Variants in PTPN5 observed in about 807,000 individuals in gnomAD.
The protein encoded by PTPN5 is tyrosine-protein phosphatase non-receptor type 5.
PTPN5 carries 29 observed loss-of-function variants against 73.9 expected under a neutral mutation model. The observed-to-expected ratio is 0.39, with a 90% CI of 0.29 to 0.54. The LOEUF is 0.54. PTPN5 is among the 20% of genes least tolerant of loss of function. PTPN5 has a pLI of 0.65. For synonymous variants in PTPN5, 267 were observed against 304.7 expected, an observed-to-expected ratio of 0.88 and a Z score of 1.29; for missense variants, 652 against 751.4, an observed-to-expected ratio of 0.87 and a Z score of 1.55.
intron 3 of PTPN5, among the ~76,000 whole-genome samples, chr11:18,755,871 G>T (rs1850108279): frequency 6.6e-6 from 1 of 151,980 alleles, no homozygotes; most frequent in African/African-American, 2.4e-5. Flanking sequence ...AGGCATGGTA[G>T]CATGTGCCTG....
intron 9 of PTPN5, among the ~76,000 whole-genome samples, chr11:18,736,765 C>A (rs963243188): frequency 6.6e-6 from 1 of 152,182 alleles, no homozygotes; most frequent in African/African-American, 2.4e-5. Context: ...TGCATCTGCA[C>A]GGAATCCTAG....
intron 1 of PTPN5, among the ~76,000 whole-genome samples, chr11:18,790,979 G>A (rs1851892419): frequency 6.6e-6 from 1 of 152,174 alleles, no homozygotes; most frequent in Non-Finnish European, 1.5e-5. Flanking sequence ...GGTTTTGCAG[G>A]AGCCTGGGCC....
At position 18,733,780 on chromosome 11, in the gene PTPN5, A is replaced by G. The variant is rs1848998020; in HGVS notation, c.1001-145T>C. On this transcript the variant is annotated intron_variant, in intron 9 of 14. Coordinates refer to ENST00000358540, the MANE Select transcript of PTPN5 (RefSeq NM_006906.2). The surrounding 1 kb of genome is among the most constrained non-coding windows in gnomAD (Gnocchi z 4.3). ...TTGCCCAGCAGCAAAACATTGACCC[A>G]TTCATGGTTCATTTTGTAGGTGAGG... 2 of 745,258 alleles carry G rather than the reference A, an allele frequency of 2.7e-6. No individual in the cohort carries two copies. Among genetic ancestry groups the G allele is most frequent in the East Asian group, 2.6e-5 (1 of 37,758 alleles). 46.2% of individuals were successfully genotyped at this position (745,258 alleles called of 1,614,324 possible). A position where few individuals can be genotyped will look rare whatever the true frequency, so the allele number is the denominator to read the frequency against.
chr11:18,762,109 G>A (rs546206821), intron 3 of PTPN5, among the ~76,000 whole-genome samples: 1 of 152,178 alleles, frequency 6.6e-6, no homozygotes, highest in Non-Finnish European at 1.5e-5. Context: ...TGTTGGTGAT[G>A]CTGAGGACGT....
At chr11:18,758,673 G>A (rs995859485) in intron 3 of PTPN5, among the ~76,000 whole-genome samples, 1 of 62,848 alleles carries the variant, frequency 1.6e-5, no homozygotes, top group Non-Finnish European at 3.2e-5. Context: ...ATGGAAGGAT[G>A]AGTTTTTTTT....
intron 3 of PTPN5, among the ~76,000 whole-genome samples, chr11:18,764,958 C>T (rs1413181788): frequency 6.6e-6 from 1 of 152,116 alleles, no homozygotes; most frequent in Admixed American, 6.5e-5. Context: ...GTGATCTGCC[C>T]GCCTTGGCCT....
rs1441790046 is a variant in PTPN5 at position 18,791,796 on chromosome 11, G to C, written c.-385C>G. ...TCACCAAATGCGCTTCAGCTGCAGAGTCGCTGGCGCAGCCGCCGGGTGGGT... is the reference window on the plus strand; with the variant it reads ...TCACCAAATGCGCTTCAGCTGCAGACTCGCTGGCGCAGCCGCCGGGTGGGT... On this transcript the variant is annotated 5_prime_UTR_variant, in exon 1 of 15. Coordinates refer to ENST00000358540, the MANE Select transcript of PTPN5 (RefSeq NM_006906.2). 2.6e-5 allele frequency: 4 copies of C among 152,160 alleles called. No homozygotes were observed. The highest frequency in any genetic ancestry group is 5.9e-5 in the Non-Finnish European group (4 of 68,048). The allele number at this position is 152,160 out of a possible 1,614,324, so 9.4% of individuals were successfully genotyped here.
chr11:18,774,679 C>T (rs1313272663), intron 1 of PTPN5, among the ~76,000 whole-genome samples: 2 of 152,214 alleles, frequency 1.3e-5, no homozygotes, highest in African/African-American at 4.8e-5. Context: ...TGAGAGAGAC[C>T]AGGGGCTCAT....
intron 3 of PTPN5, among the ~76,000 whole-genome samples, chr11:18,761,396 T>C (rs182989898): frequency 4.3e-4 from 65 of 152,278 alleles, no homozygotes; most frequent in African/African-American, 1.5e-3. Context: ...TGCCACCTGG[T>C]GTCTTGCAAA....
At chr11:18,788,373 C>T (rs1851764343) in intron 1 of PTPN5, among the ~76,000 whole-genome samples, 1 of 152,158 alleles carries the variant, frequency 6.6e-6, no homozygotes, top group Non-Finnish European at 1.5e-5. Context: ...AACTCCTTAG[C>T]TTGGCAGTCA....
At chr11:18,759,019 C>T (rs577439259) in intron 3 of PTPN5, among the ~76,000 whole-genome samples, 8 of 152,150 alleles carry the variant, frequency 5.3e-5, no homozygotes, top group Non-Finnish European at 1.0e-4. Context: ...ACACTCCTGC[C>T]TGTGGCTGTG....
chr11:18,740,577 G>A (rs768018678), intron 8 of PTPN5, 26 bp downstream of exon 8: 1 of 1,515,358 alleles, frequency 6.6e-7, no homozygotes, highest in Admixed American at 2.1e-5. Context: ...TGCACACAGT[G>A]GGGCGACCGG....
chr11:18,778,980 C>T (rs1018793422), intron 1 of PTPN5, among the ~76,000 whole-genome samples: 24 of 152,112 alleles, frequency 1.6e-4, no homozygotes, highest in African/African-American at 1.9e-4. Flanking sequence ...TCCCTTGCTC[C>T]GGATGGTCCA....
chr11:18,754,954 T>G (rs1446789925), intron 3 of PTPN5, among the ~76,000 whole-genome samples: 1 of 152,106 alleles, frequency 6.6e-6, no homozygotes, highest in Non-Finnish European at 1.5e-5. Flanking sequence ...CCTTGTGCAG[T>G]CCCTCCTACG....
Position 18,742,578 on chromosome 11 carries a change from T to C in PTPN5, c.484-75A>G. On this transcript the variant is annotated intron_variant, in intron 6 of 14. Transcript: ENST00000358540. The surrounding 1 kb of genome is among the most constrained non-coding windows in gnomAD (Gnocchi z 4.1). ...CCGTGTTCCTGGAGTGCCCATGGGA[T>C]TGACGCCCCCCCACTCCCTCAGTGT... The C allele has an allele frequency of 6.4e-7, 1 of 1,569,970 alleles. No homozygotes were observed. The highest frequency in any genetic ancestry group is 8.6e-7 in the Non-Finnish European group (1 of 1,162,658).
chr11:18,739,243 A>C (rs1198749655), intron 8 of PTPN5, among the ~76,000 whole-genome samples: 1 of 152,218 alleles, frequency 6.6e-6, no homozygotes, highest in Non-Finnish European at 1.5e-5. Flanking sequence ...TGCTCAGGCC[A>C]CGCTCCTTCC....
intron 1 of PTPN5, among the ~76,000 whole-genome samples, chr11:18,790,200 G>T (rs1026215237): frequency 6.6e-6 from 1 of 152,034 alleles, no homozygotes; most frequent in Non-Finnish European, 1.5e-5. Flanking sequence ...TGGTGTGATT[G>T]TAACTCAAGC....
At chr11:18,763,348 A>G (rs929946074) in intron 3 of PTPN5, among the ~76,000 whole-genome samples, 1 of 152,230 alleles carries the variant, frequency 6.6e-6, no homozygotes, top group Non-Finnish European at 1.5e-5. Context: ...GGTAGCGGTG[A>G]CGACACGGGC....
intron 3 of PTPN5, among the ~76,000 whole-genome samples, chr11:18,756,781 G>A (rs1215380862): frequency 7.2e-5 from 11 of 151,858 alleles, no homozygotes; most frequent in African/African-American, 1.4e-4. Flanking sequence ...AAAATTAGCC[G>A]GGTTTGGTGG....
Sources: gnomAD v4.1 joint callset for allele counts (sites outside exome capture counted in the v4.1 genomes callset) on GRCh38, gnomAD v4.1.1 for gene constraint, Gnocchi (gnomAD v3.1) non-coding constraint, MANE v1.5 for transcripts, NCBI Gene and HGNC (gene_info 2026-07-23, HGNC 2026-07-21) for gene names.